The following DDX24 variants were observed in gnomAD, a reference collection of about 807,000 sequenced individuals.
DDX24 encodes DEAD-box helicase 24, also known as ATP-dependent RNA helicase DDX24.
In DDX24, 24 loss-of-function variants were observed where a neutral mutation model predicts 68.9. The observed-to-expected ratio is 0.35, with a 90% CI of 0.25 to 0.49. The LOEUF (loss-of-function observed/expected upper bound fraction) is 0.49. Ranked by LOEUF, DDX24 falls within the 20% of genes least tolerant of loss-of-function variation. The probability of loss-of-function intolerance (pLI) is 0.99; values close to 1 mark genes in which losing one functional copy is unlikely to be tolerated. For missense variants in DDX24, 989 were observed against 1,039.0 expected, an observed-to-expected ratio of 0.95 and a Z score of 0.66; for synonymous variants, 395 against 385.2, an observed-to-expected ratio of 1.03 and a Z score of -0.30.
At position 94,062,220 on chromosome 14, in the gene DDX24, C is replaced by G; in HGVS notation, c.1120G>C (p.Asp374His). ...GCCTTACAGGTGGCGCTTTTGTCAT[C>G]CAACTCCTGTTTTAGATTTCCAGTC... is the stretch of plus-strand genomic sequence containing the variant. ...EQTGNLKQEL[D>H]DKSATCKAYP... is the part of the protein sequence containing the mutation. Residue 374 changes from aspartate (D) to histidine (H), a missense_variant, in exon 3 of 9, where the codon GAT becomes CAT. Coordinates refer to ENST00000621632, the MANE Select transcript of DDX24 (RefSeq NM_020414.4). The G allele has an allele frequency of 6.2e-7, 1 of 1,614,146 alleles. No homozygotes were observed. The highest frequency in any genetic ancestry group is 8.5e-7 in the Non-Finnish European group (1 of 1,180,022).
intron 6 of DDX24, chr14:94,056,157 G>C (rs995040536): frequency 6.6e-6 from 1 of 152,172 alleles, no homozygotes; most frequent in Non-Finnish European, 1.5e-5. Flanking sequence ...AGACTATAGA[G>C]ATTTGCTAAA....
intron 2 of DDX24, among the ~76,000 whole-genome samples, chr14:94,070,707 A>T (rs1595378903): frequency 6.6e-6 from 1 of 152,344 alleles, no homozygotes; most frequent in East Asian, 1.9e-4. Context: ...ATAAACCCAA[A>T]TACTTACAGC....
At position 94,079,130 on chromosome 14, in the gene DDX24, G is replaced by C. The variant is rs1367256774; in HGVS notation, c.613C>G (p.Arg205Gly). The C allele has an allele frequency of 1.9e-6, 3 of 1,614,174 alleles. No homozygotes were observed. The highest frequency in any genetic ancestry group is 2.5e-6 in the Non-Finnish European group (3 of 1,180,038). The change falls in exon 2 of 9, where the codon CGA becomes GGA. Residue 205 changes from arginine to glycine, a missense_variant. Physicochemically the swap from Arg to Gly is moderately radical, Grantham distance 125 (BLOSUM62 -2). This residue lies in a region of DDX24 where 295 missense variants were observed against 263.0 expected (regional missense o/e 1.12). Transcript: ENST00000621632. ...GAGAAGCCTAGAAAGCTGAGTGCTC[G>C]GAGAACCGGCCTGGGAACAAACAGG... is the stretch of plus-strand genomic sequence containing the variant. ...KDLFVPRPVL[R>G]ALSFLGFSAP...
chr14:94,051,477 CA>C lies in DDX24; in HGVS notation c.2309-16del. 6.6e-7 allele frequency: 1 copy of C among 1,519,416 alleles called. No homozygotes were observed. The highest frequency in any genetic ancestry group is 8.8e-7 in the Non-Finnish European group (1 of 1,136,926). The allele number at this position is 1,519,416 out of a possible 1,614,324, so 94.1% of individuals were successfully genotyped here. ...AGCTTTTCCTCCTTGAAACACAATACAAAAACGATCCTATTTACTATGGTTT... is the reference window on the plus strand; with the variant it reads ...AGCTTTTCCTCCTTGAAACACAATACAAAACGATCCTATTTACTATGGTTT... On this transcript the variant is annotated splice_polypyrimidine_tract_variant and intron_variant, in intron 8 of 8. Coordinates refer to ENST00000621632, the MANE Select transcript of DDX24 (RefSeq NM_020414.4).
At chr14:94,078,972 C>T in intron 2 of DDX24, 53 bp downstream of exon 2, 1 of 1,515,140 alleles carries the variant, frequency 6.6e-7, no homozygotes. Flanking sequence ...GGCCTATTAG[C>T]AGCTATGGGC....
intron 2 of DDX24, among the ~76,000 whole-genome samples, chr14:94,073,086 C>CTTTTTTTT (rs10716706): frequency 2.4e-5 from 3 of 125,686 alleles, no homozygotes; most frequent in African/African-American, 9.1e-5. Flanking sequence ...ATTTTCTTTT[C>CTTTTTTTT]TTTTTTTTTT....
At chr14:94,074,566 C>T (rs1178789335) in intron 2 of DDX24, among the ~76,000 whole-genome samples, 2 of 152,098 alleles carry the variant, frequency 1.3e-5, no homozygotes, top group African/African-American at 4.8e-5. Context: ...AGAGAACTTC[C>T]ACAACGTGAT....
At chr14:94,061,938 A>C (rs1885604821) in intron 3 of DDX24, among the ~76,000 whole-genome samples, 159 bp downstream of exon 3, 1 of 152,178 alleles carries the variant, frequency 6.6e-6, no homozygotes, top group African/African-American at 2.4e-5. Flanking sequence ...GAGGGAACTG[A>C]AAAAATGTCA....
chr14:94,053,204 G>A, intron 7 of DDX24, 77 bp from the exon 8 acceptor site: 1 of 1,595,596 alleles, frequency 6.3e-7, no homozygotes, highest in Non-Finnish European at 8.5e-7. Context: ...CTTGAGTTGT[G>A]TTTGTGTGTT....
Position 94,049,338 on chromosome 14 carries a change from A to T in DDX24, c.*1853T>A, listed in dbSNP as rs1485930557. 1 of 152,144 alleles carries T rather than the reference A, an allele frequency of 6.6e-6. No homozygotes were observed. The highest frequency in any genetic ancestry group is 6.5e-5 in the Admixed American group (1 of 15,282). 9.4% of individuals were successfully genotyped at this position (152,144 alleles called of 1,614,324 possible). A position where few individuals can be genotyped will look rare whatever the true frequency, so the allele number is the denominator to read the frequency against. ...CCACTGCATCATTTGGAAAATGGAG[A>T]GTCTCCCTGCCATTCTCTGATAGCT... is the stretch of plus-strand genomic sequence containing the variant. On this transcript the variant is annotated 3_prime_UTR_variant, in exon 9 of 9. Coordinates refer to ENST00000621632, the MANE Select transcript of DDX24 (RefSeq NM_020414.4).
rs1885614455 is a variant in DDX24 at position 94,062,359 on chromosome 14, G to T, written c.981C>A (p.Asp327Glu). Residue 327 changes from aspartate (D) to glutamate (E), a missense_variant, in exon 3 of 9, where the codon GAC becomes GAA. Coordinates refer to ENST00000621632, the MANE Select transcript of DDX24 (RefSeq NM_020414.4). ...CATCGTCACCAAAGAGCAACGCCTG[G>T]TCTGAGACAGTGCCTCCAGTCTTGG... The part of the protein sequence containing the change: ...ARAKTGGTVS[D>E]QALLFGDDDA... The T allele has an allele frequency of 6.2e-7, 1 of 1,614,202 alleles. No homozygotes were observed. Among genetic ancestry groups the T allele is most frequent in the East Asian group, 2.2e-5 (1 of 44,892 alleles).
At chr14:94,072,030 T>C (rs1885842490) in intron 2 of DDX24, among the ~76,000 whole-genome samples, 1 of 152,136 alleles carries the variant, frequency 6.6e-6, no homozygotes, top group South Asian at 2.1e-4. Context: ...ATAGCCACTA[T>C]GGAAAACAGC....
chr14:94,055,531 A>G (rs1049405192), intron 6 of DDX24: 2 of 256,662 alleles, frequency 7.8e-6, no homozygotes, highest in Admixed American at 9.7e-5. Flanking sequence ...ACTCCTATAT[A>G]TATTTTATCC....
At chr14:94,064,885 G>A (rs879839281) in intron 2 of DDX24, among the ~76,000 whole-genome samples, 2 of 152,170 alleles carry the variant, frequency 1.3e-5, no homozygotes, top group Non-Finnish European at 2.9e-5. Flanking sequence ...GCAACCTTGT[G>A]GGACTGAGCC....
At chr14:94,064,343 C>T (rs1339789124) in intron 2 of DDX24, among the ~76,000 whole-genome samples, 1 of 152,176 alleles carries the variant, frequency 6.6e-6, no homozygotes, top group Non-Finnish European at 1.5e-5. Context: ...TGATATAAAA[C>T]CTTGTGATAC....
In DDX24 at chr14:94,060,592, A is replaced by C. The variant is rs891210995; in HGVS notation, c.1419T>G (p.Ala473=). The change falls in exon 5 of 9, where the codon GCT becomes GCG. Residue 473 remains alanine, a synonymous_variant. Transcript: ENST00000621632. ...AATGGCCTTTCTCAACCATCCGGTCAGCCTCATCCACTACCAGGCACCTGC... is the reference window on the plus strand; with the variant it reads ...AATGGCCTTTCTCAACCATCCGGTCCGCCTCATCCACTACCAGGCACCTGC... ...RQLRCLVVDE[A]DRMVEKGHFA... The C allele has an allele frequency of 6.2e-7, 1 of 1,613,436 alleles. No individual in the cohort carries two copies. Among genetic ancestry groups the C allele is most frequent in the African/African-American group, 1.3e-5 (1 of 74,886 alleles).
Position 94,051,240 on chromosome 14 carries a change from G to A in DDX24, c.2531C>T (p.Pro844Leu), listed in dbSNP as rs745606556. 1.2e-5 allele frequency: 19 copies of A among 1,590,450 alleles called. No homozygotes were observed. Among genetic ancestry groups the A allele is most frequent in the East Asian group, 6.8e-5 (3 of 44,356 alleles). Residue 844 changes from proline to leucine, a missense_variant, in exon 9 of 9, where the codon CCG becomes CTG. Coordinates refer to ENST00000621632, the MANE Select transcript of DDX24 (RefSeq NM_020414.4). ...TGGCTGTTCCGGCTGTGGCTCCTTC[G>A]GCTTCTTTGTCTTCTTCTTCTTCTG... ...SKQKKKKTKK[P>L]KEPQPEQPQP...
chr14:94,073,613 A>G (rs777840690), intron 2 of DDX24, among the ~76,000 whole-genome samples: 61 of 152,342 alleles, frequency 4.0e-4, no homozygotes, highest in Non-Finnish European at 7.9e-4. Flanking sequence ...TTTCATAACG[A>G]TAACAAGCCA....
intron 2 of DDX24, among the ~76,000 whole-genome samples, chr14:94,067,922 C>T (rs1885738312): frequency 6.6e-6 from 1 of 152,022 alleles, no homozygotes; most frequent in Admixed American, 6.6e-5. Context: ...AGGATGCAGA[C>T]ATACAAGTTA....
Sources: gnomAD v4.1 joint callset for allele counts (sites outside exome capture counted in the v4.1 genomes callset) on GRCh38, gnomAD v4.1.1 for gene constraint, gnomAD v4.1.1 regional missense constraint, MANE v1.5 for transcripts, NCBI Gene and HGNC (gene_info 2026-07-23, HGNC 2026-07-21) for gene names.